The following MACROD2 variants were observed in gnomAD, a reference collection of about 807,000 sequenced individuals.
MACROD2 encodes mono-ADP ribosylhydrolase 2, also known as ADP-ribose glycohydrolase MACROD2.
In MACROD2, 36 loss-of-function variants were observed where a neutral mutation model predicts 70.4. That is an observed-to-expected ratio of 0.51 (90% CI 0.39 to 0.68). The LOEUF is 0.68. MACROD2 is among the 30% of genes least tolerant of loss of function. The probability of loss-of-function intolerance (pLI) is 0.00; values close to 1 mark genes in which losing one functional copy is unlikely to be tolerated. For synonymous variants in MACROD2, 172 were observed against 178.8 expected (o/e 0.96, Z 0.30); for missense variants, 496 against 538.4 (o/e 0.92, Z 0.78).
chr20:15,813,268 T>C (rs557317596), intron 8 of MACROD2, among the ~76,000 whole-genome samples: 1 of 152,326 alleles, frequency 6.6e-6, no homozygotes, highest in Admixed American at 6.5e-5. Context: ...ATTCTGTTGC[T>C]TACACGTCTT....
At chr20:15,416,433 G>T (rs1212440050) in intron 6 of MACROD2, among the ~76,000 whole-genome samples, 3 of 152,186 alleles carry the variant, frequency 2.0e-5, no homozygotes, top group Non-Finnish European at 4.4e-5. Flanking sequence ...AAGGAAAGAA[G>T]AATTTATTAC....
chr20:14,642,369 A>G (rs1985142761), intron 4 of MACROD2, among the ~76,000 whole-genome samples: 1 of 152,180 alleles, frequency 6.6e-6, no homozygotes, highest in Non-Finnish European at 1.5e-5. Context: ...GTTTCTTATC[A>G]TTCGTGTGTT....
chr20:14,937,646 A>G (rs188038753), intron 5 of MACROD2, among the ~76,000 whole-genome samples: 2 of 152,160 alleles, frequency 1.3e-5, no homozygotes, highest in East Asian at 3.9e-4. Flanking sequence ...GGATATATAT[A>G]TGTATATATA....
intron 8 of MACROD2, among the ~76,000 whole-genome samples, chr20:15,710,888 G>C (rs1255212186): frequency 6.6e-6 from 1 of 151,984 alleles, no homozygotes; most frequent in Non-Finnish European, 1.5e-5. Context: ...ACTACTTTTG[G>C]GGCTCCAGCA....
At chr20:14,219,785 A>G (rs1329699128) in intron 3 of MACROD2, among the ~76,000 whole-genome samples, 3 of 152,008 alleles carry the variant, frequency 2.0e-5, no homozygotes, top group Admixed American at 1.3e-4. Context: ...AACTGCAGTG[A>G]TTGCTCTCTC....
At chr20:14,683,279 TG>T (rs1282931165) in intron 4 of MACROD2, among the ~76,000 whole-genome samples, 1 of 152,182 alleles carries the variant, frequency 6.6e-6, no homozygotes, top group Non-Finnish European at 1.5e-5. Context: ...CACATAACAC[TG>T]TACTAGACAC....
chr20:14,138,530 A>G (rs548254812), intron 3 of MACROD2, among the ~76,000 whole-genome samples: 61 of 152,320 alleles, frequency 4.0e-4, no homozygotes, highest in Non-Finnish European at 5.6e-4. Flanking sequence ...GATCTCATTT[A>G]TATGTGGAAT....
rs56752104 is a variant in MACROD2 at position 15,206,721 on chromosome 20, G to GTTTTTTTTT, written c.419-23201_419-23193dup. 1.8e-3 allele frequency among the ~76,000 whole-genome samples: 61 copies of GTTTTTTTTT among 33,002 alleles called. 13 individuals carry two copies. Among genetic ancestry groups the GTTTTTTTTT allele is most frequent in the South Asian group, 5.7e-3 (4 of 706 alleles). The allele number at this position is 33,002 out of a possible 152,430, so 21.7% of individuals were successfully genotyped here. On this transcript the variant is annotated intron_variant, in intron 5 of 17. Transcript: ENST00000684519. The stretch of plus-strand genomic sequence containing the variant: ...GCATGAAGTCTTTCATATTATCTAT[G>GTTTTTTTTT]TTTTTTTTTTTTTTTTTTTTTTTTT...
chr20:14,470,573 T>C (rs1320810070), intron 3 of MACROD2, among the ~76,000 whole-genome samples: 21 of 152,124 alleles, frequency 1.4e-4, no homozygotes. Flanking sequence ...GAGTTTTATC[T>C]ATAAACCCCT....
intron 5 of MACROD2, among the ~76,000 whole-genome samples, chr20:14,934,522 C>A (rs2122687943): frequency 6.6e-6 from 1 of 152,274 alleles, no homozygotes; most frequent in East Asian, 1.9e-4. Flanking sequence ...TATGGTGGGT[C>A]ATGCCTATAA....
chr20:14,809,664 A>G (rs2072684810), intron 5 of MACROD2, among the ~76,000 whole-genome samples: 2 of 151,956 alleles, frequency 1.3e-5, no homozygotes, highest in African/African-American at 4.8e-5. Flanking sequence ...TTTTTTGAAA[A>G]GATTAACAAA....
At chr20:14,462,048 C>T (rs1236210703) in intron 3 of MACROD2, among the ~76,000 whole-genome samples, 1 of 151,952 alleles carries the variant, frequency 6.6e-6, no homozygotes, top group African/African-American at 2.4e-5. Context: ...AATGTTCTTC[C>T]AGTAATGGGA....
rs377299033 is a variant in MACROD2 at position 14,414,511 on chromosome 20, C to G, written c.272-78968C>G. On this transcript the variant is annotated intron_variant, in intron 3 of 17. Coordinates refer to ENST00000684519, the MANE Select transcript of MACROD2 (RefSeq NM_001351661.2). ...CCTCATTTGTCTCCTTGTTTTCACC[C>G]TGGCATTCCCAATTATGTAGTGCAA... Among the ~76,000 whole-genome samples, 9 of 152,272 alleles carry G rather than the reference C, an allele frequency of 5.9e-5. No homozygotes were observed. The East Asian group carries it at 1.7e-3, about 29-fold the overall frequency.
In MACROD2 at chr20:15,413,728, A is replaced by G. The variant is rs140499686; in HGVS notation, c.541-17677A>G. Among the ~76,000 whole-genome samples the G allele has an allele frequency of 1.4e-3, 209 of 152,330 alleles. 1 individual carries two copies. Among genetic ancestry groups the G allele is most frequent in the African/African-American group, 4.7e-3 (196 of 41,588 alleles). On this transcript the variant is annotated intron_variant, in intron 6 of 17. Transcript: ENST00000684519. Reference sequence around the variant, plus strand: ...GATTTTTTAAAGTTCATAATGGTCTATGCCTTCTAATAATGACAAAATTCT... The same window carrying G: ...GATTTTTTAAAGTTCATAATGGTCTGTGCCTTCTAATAATGACAAAATTCT...
chr20:14,665,146 C>G (rs2123545553), intron 4 of MACROD2, among the ~76,000 whole-genome samples: 1 of 152,226 alleles, frequency 6.6e-6, no homozygotes, highest in South Asian at 2.1e-4. Context: ...TATCTTCTTT[C>G]TGTTTCTATC....
chr20:14,325,586 T>C, intron 3 of MACROD2: 1 of 1,612,736 alleles, frequency 6.2e-7, no homozygotes, highest in Middle Eastern at 1.7e-4. Context: ...GAGTCTGGAA[T>C]ACCACTGTCT....
chr20:15,342,644 C>G (rs1006692362), intron 6 of MACROD2, among the ~76,000 whole-genome samples: 1 of 152,044 alleles, frequency 6.6e-6, no homozygotes, highest in Non-Finnish European at 1.5e-5. Context: ...AGATTACGAC[C>G]AAGGATACTC....
chr20:15,324,934 T>A (rs1354899720), intron 6 of MACROD2, among the ~76,000 whole-genome samples: 1 of 151,142 alleles, frequency 6.6e-6, no homozygotes, highest in African/African-American at 2.4e-5. Context: ...GTATTAAAAC[T>A]GTTTTTAAAG....
intron 5 of MACROD2, among the ~76,000 whole-genome samples, chr20:14,964,773 T>C (rs188862086): frequency 6.6e-6 from 1 of 152,142 alleles, no homozygotes; most frequent in African/African-American, 2.4e-5. Context: ...TGCTATACTT[T>C]AGTGTTATTT....
Sources: allele counts gnomAD v4.1 joint callset (sites outside exome capture counted in the v4.1 genomes callset), GRCh38; gene constraint gnomAD v4.1.1; transcripts MANE v1.5; gene names NCBI Gene and HGNC (gene_info 2026-07-23, HGNC 2026-07-21).